Variants in YDJC observed in about 807,000 individuals in gnomAD.
YDJC encodes carbohydrate deacetylase.
Under a neutral mutation model 18.9 loss-of-function variants are expected in YDJC, and 23 were observed. The ratio of observed to expected loss-of-function variants is 1.22; its 90% confidence interval spans 0.87 to 1.72. The LOEUF (loss-of-function observed/expected upper bound fraction) is 1.72. Ranked by LOEUF, YDJC falls within the 40% of genes most tolerant of loss-of-function variation. The pLI is 0.00. For missense variants in YDJC, 467 were observed against 470.8 expected (o/e 0.99, Z 0.07); for synonymous variants, 224 against 217.6 (o/e 1.03, Z -0.26).
Position 21,628,732 on chromosome 22 carries a change from G to T in YDJC, c.658C>A (p.Arg220Ser). 1 of 1,525,090 alleles carries T rather than the reference G, an allele frequency of 6.6e-7. No individual in the cohort carries two copies. The allele number at this position is 1,525,090 out of a possible 1,614,324, so 94.5% of individuals were successfully genotyped here. Residue 220 changes from arginine (R) to serine (S), a missense_variant, in exon 5 of 5, where the codon CGC becomes AGC. Transcript: ENST00000292778. ...ACCCGCGCCAGGGCCCCGGACACGC[G>T]GTGAGCGGACATGTGCCGGCCGCAA... is the stretch of plus-strand genomic sequence containing the variant. ...STCGRHMSAH[R>S]VSGALARVLE...
Position 21,629,088 on chromosome 22 carries a change from G to A in YDJC, c.524C>T (p.Ala175Val), listed in dbSNP as rs1252833882. ...RGVGGCTWLEAPARAFACAVE... is the reference protein window; with the variant it reads ...RGVGGCTWLEVPARAFACAVE... ...GGCGCAGGCGAAGGCACGCGCGGGG[G>A]CCTCCAGCCAAGTGCAGCCACCCAC... Residue 175 changes from alanine to valine, a missense_variant, in exon 4 of 5, where the codon GCC becomes GTC. Ala to Val is a moderately conservative substitution (Grantham distance 64). Coordinates refer to ENST00000292778, the MANE Select transcript of YDJC (RefSeq NM_001017964.2). 3 of 1,535,564 alleles carry A rather than the reference G, an allele frequency of 2.0e-6. No homozygotes were observed. The highest frequency in any genetic ancestry group is 1.7e-6 in the Non-Finnish European group (2 of 1,145,732).
At position 21,628,603 on chromosome 22, in the gene YDJC, C is replaced by A; in HGVS notation, c.787G>T (p.Ala263Ser). 6.2e-7 allele frequency: 1 copy of A among 1,601,984 alleles called. No individual in the cohort carries two copies. Among genetic ancestry groups the A allele is most frequent in the South Asian group, 1.1e-5 (1 of 90,410 alleles). Residue 263 changes from alanine (A) to serine (S), a missense_variant, in exon 5 of 5, where the codon GCT becomes TCT. By Grantham distance (99) the Ala-to-Ser change is moderately conservative (BLOSUM62 1). Transcript: ENST00000292778. ...AGCCGCTCCCAAGAGCAAGAGAAAGCGTCGGGGCCTTCACCGCAGCCGCCG... is the reference window on the plus strand; with the variant it reads ...AGCCGCTCCCAAGAGCAAGAGAAAGAGTCGGGGCCTTCACCGCAGCCGCCG... ...PTGGCGEGPD[A>S]FSCSWERLHE...
At chr22:21,628,862 G>A (rs1168919280) in intron 4 of YDJC, 75 bp from the exon 5 acceptor site, 2 of 1,423,806 alleles carry the variant, frequency 1.4e-6, no homozygotes, top group Admixed American at 2.9e-5. Context: ...GGGAAGGGAC[G>A]GCGGGGTGGG....
Position 21,629,650 on chromosome 22 carries a change from C to T in YDJC, c.276G>A (p.Lys92=), listed in dbSNP as rs1930412083. Residue 92 remains lysine, a synonymous_variant, in exon 2 of 5, where the codon AAG becomes AAA. Transcript: ENST00000292778. ...CCGCCACCGCCTCCCGGAATCCCAT[C>T]TTGCCAAGGAAGAAGCCTTCCGGGC... ...LLGPEGFFLG[K]MGFREAVAAG... 3 of 1,612,408 alleles carry T rather than the reference C, an allele frequency of 1.9e-6. No individual in the cohort carries two copies. Among genetic ancestry groups the T allele is most frequent in the Non-Finnish European group, 1.7e-6 (2 of 1,179,936 alleles).
At position 21,629,119 on chromosome 22, in the gene YDJC, G is replaced by A; in HGVS notation, c.493C>T (p.Arg165Cys). The change falls in exon 4 of 5, where the codon CGC becomes TGC. Residue 165 changes from arginine to cysteine, a missense_variant. Arg to Cys is a radical substitution (Grantham distance 180, BLOSUM62 -3). Transcript: ENST00000292778. ...AGCCAAGTGCAGCCACCCACACCGC[G>A]CTCCAGCGGCAGTCGCGTAAAGCGC... ...GVRFTRLPLE[R>C]GVGGCTWLEA... 6.5e-7 allele frequency: 1 copy of A among 1,538,224 alleles called. No homozygotes were observed.
In YDJC at chr22:21,628,248, C is replaced by G. The variant is rs1930317651; in HGVS notation, c.*170G>C. On this transcript the variant is annotated 3_prime_UTR_variant, in exon 5 of 5. Transcript: ENST00000292778. The stretch of plus-strand genomic sequence containing the variant: ...CCTGCAGCCAAGAAGGCTGCTCAAA[C>G]TCTAGATGCCATTTGGAGGCATGAG... The G allele has an allele frequency of 1.0e-6, 1 of 981,836 alleles. No homozygotes were observed. Among genetic ancestry groups the G allele is most frequent in the African/African-American group, 1.7e-5 (1 of 59,874 alleles). 60.8% of individuals were successfully genotyped at this position (981,836 alleles called of 1,614,324 possible).
At position 21,629,629 on chromosome 22, in the gene YDJC, C is replaced by A. The variant is rs1391208662; in HGVS notation, c.297G>T (p.Val99=). Residue 99 remains valine, a synonymous_variant, in exon 2 of 5, where the codon GTG becomes GTT. Transcript: ENST00000292778. ...FLGKMGFREA[V]AAGDVDLPQV... is the part of the protein sequence containing the mutation. ...GAGGCAAATCCACGTCTCCGGCCGC[C>A]ACCGCCTCCCGGAATCCCATCTTGC... is the stretch of plus-strand genomic sequence containing the variant. 1 of 1,612,492 alleles carries A rather than the reference C, an allele frequency of 6.2e-7. No homozygotes were observed. Among genetic ancestry groups the A allele is most frequent in the Non-Finnish European group, 8.5e-7 (1 of 1,179,936 alleles).
chr22:21,628,810 G>A, intron 4 of YDJC, 23 bp from the exon 5 acceptor site: 9 of 1,458,192 alleles, frequency 6.2e-6, no homozygotes, highest in Non-Finnish European at 8.2e-6. Context: ...GGACATCAGA[G>A]GTGGGACCAG....
Position 21,628,583 on chromosome 22 carries a change from C to G in YDJC, c.807G>C (p.Glu269Asp). Reference sequence around the variant, plus strand: ...TGAGGACGCGCAGCTCATGCAGCCGCTCCCAAGAGCAAGAGAAAGCGTCGG... The same window carrying G: ...TGAGGACGCGCAGCTCATGCAGCCGGTCCCAAGAGCAAGAGAAAGCGTCGG... ...EGPDAFSCSW[E>D]RLHELRVLTA... is the part of the protein sequence containing the mutation. Residue 269 changes from glutamate (E) to aspartate (D), a missense_variant, in exon 5 of 5, where the codon GAG becomes GAC. Glu to Asp is a conservative substitution (Grantham distance 45, BLOSUM62 2). Transcript: ENST00000292778. 3.7e-6 allele frequency: 6 copies of G among 1,608,102 alleles called. No homozygotes were observed. The highest frequency in any genetic ancestry group is 5.1e-6 in the Non-Finnish European group (6 of 1,176,878).
In YDJC at chr22:21,628,545, A is replaced by G. The variant is rs763324639; in HGVS notation, c.845T>C (p.Leu282Pro). 5.0e-6 allele frequency: 8 copies of G among 1,611,762 alleles called. No homozygotes were observed. Among genetic ancestry groups the G allele is most frequent in the Admixed American group, 1.7e-5 (1 of 59,958 alleles). The change falls in exon 5 of 5, where the codon CTG (leucine) becomes CCG (proline). Residue 282 changes from leucine to proline, a missense_variant. Leu to Pro is a moderately conservative substitution (Grantham distance 98, BLOSUM62 -3). Transcript: ENST00000292778. ...GCCATCCTGGGCAAGCTGGGCCCGC[A>G]GCGTGGGCGCGGTGAGGACGCGCAG... ...HELRVLTAPT[L>P]RAQLAQDGVQ...
At position 21,629,907 on chromosome 22, in the gene YDJC, G is replaced by T. The variant is rs1415307694; in HGVS notation, c.108C>A (p.Ser36Arg). ...VEAFLAGAVTSVSLLVNGAAT... is the reference protein window; with the variant it reads ...VEAFLAGAVTRVSLLVNGAAT... ...CCGCACCGTTGACCAGCAGGGACACGCTGGTCACAGCCCCGGCCAGAAAGG... is the reference window on the plus strand; with the variant it reads ...CCGCACCGTTGACCAGCAGGGACACTCTGGTCACAGCCCCGGCCAGAAAGG... The change falls in exon 1 of 5, where the codon AGC becomes AGA. Residue 36 changes from serine to arginine, a missense_variant. By Grantham distance (110) the Ser-to-Arg change is moderately radical. Transcript: ENST00000292778. 3 of 1,597,730 alleles carry T rather than the reference G, an allele frequency of 1.9e-6. No homozygotes were observed. The highest frequency in any genetic ancestry group is 2.6e-6 in the Non-Finnish European group (3 of 1,176,024).
At chr22:21,628,950 G>C in intron 4 of YDJC, 60 bp downstream of exon 4, 1 of 1,434,326 alleles carries the variant, frequency 7.0e-7, no homozygotes, top group Non-Finnish European at 9.1e-7. Context: ...CTAGCCAGGT[G>C]AACAGCCAGT....
chr22:21,629,765 A>T lies in YDJC; in HGVS notation c.165-4T>A, dbSNP rs879180518. The T allele has an allele frequency of 6.7e-7, 1 of 1,482,056 alleles. No individual in the cohort carries two copies. The highest frequency in any genetic ancestry group is 2.6e-5 in the East Asian group (1 of 38,676). The allele number at this position is 1,482,056 out of a possible 1,614,324, so 91.8% of individuals were successfully genotyped here. ...GAGGCCCGTGGGGATGCTGTGCCTG[A>T]GGGCGGAGCGCGAGCTGGAGCACTA... On this transcript the variant is annotated splice_polypyrimidine_tract_variant and splice_region_variant and intron_variant, in intron 1 of 4. Transcript: ENST00000292778.
At position 21,628,998 on chromosome 22, in the gene YDJC, G is replaced by A. The variant is rs763247845; in HGVS notation, c.602+12C>T. The stretch of plus-strand genomic sequence containing the variant: ...AGGCAGCTATGGTAGGAGACGGGGC[G>A]GGGAGCCTCACCGCAGGCCGTGGCG... On this transcript the variant is annotated intron_variant, in intron 4 of 4. Transcript: ENST00000292778. 3.4e-6 allele frequency: 5 copies of A among 1,458,560 alleles called. No individual in the cohort carries two copies. Among genetic ancestry groups the A allele is most frequent in the Non-Finnish European group, 2.7e-6 (3 of 1,114,860 alleles). The allele number at this position is 1,458,560 out of a possible 1,614,324, so 90.4% of individuals were successfully genotyped here. A position where few individuals can be genotyped will look rare whatever the true frequency, so the allele number is the denominator to read the frequency against.
At chr22:21,629,220 C>T (rs1930382821) in intron 3 of YDJC, 33 bp from the exon 4 acceptor site, 1 of 1,547,950 alleles carries the variant, frequency 6.5e-7, no homozygotes, top group African/African-American at 1.4e-5. Flanking sequence ...AGGAGCACGT[C>T]CTTTCACCTG....
In YDJC at chr22:21,629,846, C is replaced by A. The variant is rs573277186; in HGVS notation, c.164+5G>T. The A allele has an allele frequency of 5.2e-6, 8 of 1,547,106 alleles. No homozygotes were observed. Among genetic ancestry groups the A allele is most frequent in the Non-Finnish European group, 6.9e-6 (8 of 1,151,600 alleles). ...TCGCCGCCCTGCTAGAGGCCCTCCC[C>A]TCACCTGCGGGCCAGCTCCGCCGCG... On this transcript the variant is annotated splice_donor_5th_base_variant and intron_variant, in intron 1 of 4. Transcript: ENST00000292778.
rs936002953 is a variant in YDJC, at chr22:21,628,556, G to A, written c.834C>T (p.Thr278=). Residue 278 remains threonine, a synonymous_variant, in exon 5 of 5, where the codon ACC becomes ACT. Transcript: ENST00000292778. ...WERLHELRVL[T]APTLRAQLAQ... ...CAAGCTGGGCCCGCAGCGTGGGCGC[G>A]GTGAGGACGCGCAGCTCATGCAGCC... The A allele has an allele frequency of 1.2e-6, 2 of 1,611,250 alleles. No homozygotes were observed. Among genetic ancestry groups the A allele is most frequent in the Non-Finnish European group, 1.7e-6 (2 of 1,178,638 alleles).
At position 21,628,274 on chromosome 22, in the gene YDJC, G is replaced by A; in HGVS notation, c.*144C>T. The stretch of plus-strand genomic sequence containing the variant: ...TCTAGATGCCATTTGGAGGCATGAG[G>A]ACCTGAGCCCAGAGGTGGCAGTGTC... On this transcript the variant is annotated 3_prime_UTR_variant, in exon 5 of 5. Coordinates refer to ENST00000292778, the MANE Select transcript of YDJC (RefSeq NM_001017964.2). The A allele has an allele frequency of 8.5e-7, 1 of 1,172,792 alleles. No homozygotes were observed. The highest frequency in any genetic ancestry group is 1.1e-6 in the Non-Finnish European group (1 of 873,642). The allele number at this position is 1,172,792 out of a possible 1,614,324, so 72.6% of individuals were successfully genotyped here.
Position 21,629,899 on chromosome 22 carries a change from A to G in YDJC, c.116T>C (p.Leu39Pro), listed in dbSNP as rs1350662981. ...FLAGAVTSVS[L>P]LVNGAATESA... ...CTCCGTGGCCGCACCGTTGACCAGCAGGGACACGCTGGTCACAGCCCCGGC... is the reference window on the plus strand; with the variant it reads ...CTCCGTGGCCGCACCGTTGACCAGCGGGGACACGCTGGTCACAGCCCCGGC... The change falls in exon 1 of 5, where the codon CTG (leucine) becomes CCG (proline). Residue 39 changes from leucine to proline, a missense_variant. By Grantham distance (98) the Leu-to-Pro change is moderately conservative. Transcript: ENST00000292778. The G allele has an allele frequency of 5.0e-6, 8 of 1,595,294 alleles. No individual in the cohort carries two copies. Among genetic ancestry groups the G allele is most frequent in the Non-Finnish European group, 6.0e-6 (7 of 1,175,188 alleles).
Sources: gnomAD v4.1 joint callset for allele counts on GRCh38, gnomAD v4.1.1 for gene constraint, MANE v1.5 for transcripts, NCBI Gene and HGNC (gene_info 2026-07-23, HGNC 2026-07-21) for gene names.